ABCG8: variants seen among roughly 807,000 people sequenced by gnomAD.
The protein encoded by ABCG8 is ATP-binding cassette sub-family G member 8.
In ABCG8, 81 loss-of-function variants were observed where a neutral mutation model predicts 71.3. The ratio of observed to expected loss-of-function variants is 1.14; its 90% confidence interval spans 0.95 to 1.37. The LOEUF (loss-of-function observed/expected upper bound fraction) is 1.37, where lower values mean the gene tolerates loss of function less well. Ranked by LOEUF, ABCG8 falls within the 40% of genes most tolerant of loss-of-function variation. ABCG8 has a pLI of 0.00. For missense variants in ABCG8, 1,119 were observed against 866.2 expected (o/e 1.29, Z -3.66); for synonymous variants, 451 against 354.7 (o/e 1.27, Z -3.05).
intron 5 of ABCG8, 50 bp from the exon 6 acceptor site, chr2:43,852,549 G>T (rs755788837): frequency 5.0e-6 from 8 of 1,613,890 alleles, no homozygotes; most frequent in Admixed American, 1.7e-5. Context: ...GCTTGGCTTG[G>T]TCTGGCCAGA....
rs1309720575 is a variant in ABCG8, at chr2:43,852,582, C to T, written c.695-17C>T. On this transcript the variant is annotated splice_polypyrimidine_tract_variant and intron_variant, in intron 5 of 12. Coordinates refer to ENST00000272286, the MANE Select transcript of ABCG8 (RefSeq NM_022437.3). Reference sequence around the variant, plus strand: ...AGAGCCCCACCGACTCACCAGGCTCCTCTCTGTGTTGGAAAGGAATCCTTA... The same window carrying T: ...AGAGCCCCACCGACTCACCAGGCTCTTCTCTGTGTTGGAAAGGAATCCTTA... 1 of 1,609,126 alleles carries T rather than the reference C, an allele frequency of 6.2e-7. No individual in the cohort carries two copies. Among genetic ancestry groups the T allele is most frequent in the East Asian group, 2.2e-5 (1 of 44,876 alleles).
chr2:43,874,872 G>T (rs1159318722), intron 10 of ABCG8, among the ~76,000 whole-genome samples: 1 of 152,186 alleles, frequency 6.6e-6, no homozygotes, highest in African/African-American at 2.4e-5. Context: ...CTGGTCAGGG[G>T]GAGTAGGGAC....
At chr2:43,840,197 C>G (rs1312921726) in intron 1 of ABCG8, among the ~76,000 whole-genome samples, 1 of 152,176 alleles carries the variant, frequency 6.6e-6, no homozygotes, top group Non-Finnish European at 1.5e-5. Context: ...GGAAAACAAC[C>G]TGGACTGGCC....
intron 1 of ABCG8, among the ~76,000 whole-genome samples, chr2:43,841,528 G>T (rs1446965123): frequency 6.6e-6 from 1 of 152,152 alleles, no homozygotes. Context: ...TGGAACAGAG[G>T]TCGTCCCCAA....
At chr2:43,858,378 C>A (rs932385914) in intron 6 of ABCG8, among the ~76,000 whole-genome samples, 1 of 151,674 alleles carries the variant, frequency 6.6e-6, no homozygotes, top group Non-Finnish European at 1.5e-5. Flanking sequence ...GGATAGAATT[C>A]TCAACATCTG....
At chr2:43,857,332 C>G (rs1669147513) in intron 6 of ABCG8, among the ~76,000 whole-genome samples, 1 of 151,598 alleles carries the variant, frequency 6.6e-6, no homozygotes, top group Non-Finnish European at 1.5e-5. Context: ...TTCTTACTCT[C>G]TGGATAGAAC....
chr2:43,874,132 G>T (rs1669875677), intron 9 of ABCG8, 146 bp downstream of exon 9: 10 of 952,188 alleles, frequency 1.1e-5, no homozygotes, highest in Non-Finnish European at 1.6e-5. Flanking sequence ...GTTAATATTA[G>T]CATACAAATG....
At chr2:43,872,423 G>T in intron 8 of ABCG8, 117 bp downstream of exon 8, 1 of 1,215,862 alleles carries the variant, frequency 8.2e-7, no homozygotes, top group Non-Finnish European at 1.2e-6. Flanking sequence ...AGAGTCATTT[G>T]AAAAAAACAG....
rs1670100772 is a variant in ABCG8 at position 43,880,470 on chromosome 2, GGT to G, written c.*2560_*2561del. On this transcript the variant is annotated 3_prime_UTR_variant, in exon 13 of 13. Coordinates refer to ENST00000272286, the MANE Select transcript of ABCG8 (RefSeq NM_022437.3). The stretch of plus-strand genomic sequence containing the variant: ...ATTACAGGTGTGACCCACCGCACCT[GGT>G]GTCACAGGTTCATCTTGTATTTTCC... The G allele has an allele frequency of 6.6e-6, 1 of 152,168 alleles. No individual in the cohort carries two copies. The highest frequency in any genetic ancestry group is 1.5e-5 in the Non-Finnish European group (1 of 68,032). The allele number at this position is 152,168 out of a possible 1,614,324, so 9.4% of individuals were successfully genotyped here.
At chr2:43,842,007 G>T (rs1668594588) in intron 1 of ABCG8, among the ~76,000 whole-genome samples, 1 of 134,158 alleles carries the variant, frequency 7.5e-6, no homozygotes, top group Admixed American at 7.5e-5. Context: ...CTTAGAAATG[G>T]ATAAGATTTT....
chr2:43,839,137 C>T (rs1481817628), intron 1 of ABCG8, 21 bp downstream of exon 1: 8 of 1,550,722 alleles, frequency 5.2e-6, no homozygotes, highest in African/African-American at 1.4e-5. Flanking sequence ...AATGGGAAGT[C>T]GGCCCAGGCC....
intron 3 of ABCG8, chr2:43,848,302 A>C (rs780818978): frequency 2.0e-5 from 3 of 152,198 alleles, no homozygotes; most frequent in Non-Finnish European, 4.4e-5. Context: ...AGTGCCCTAC[A>C]GAAATAGCTG....
At chr2:43,867,717 CCGTATCA>C (rs1558841338) in intron 6 of ABCG8, among the ~76,000 whole-genome samples, 1 of 150,598 alleles carries the variant, frequency 6.6e-6, no homozygotes, top group Non-Finnish European at 1.5e-5. Flanking sequence ...ATAGAACTCT[CCGTATCA>C]ATCTGGATAG....
At chr2:43,852,210 C>T in intron 4 of ABCG8, 144 bp from the exon 5 acceptor site, 2 of 1,145,492 alleles carry the variant, frequency 1.7e-6, no homozygotes, top group Admixed American at 1.9e-5. Flanking sequence ...ACCAATGTTG[C>T]AGCTTGGAAC....
In ABCG8 at chr2:43,881,437, G is replaced by C. The variant is rs903445536; in HGVS notation, c.*3524G>C. 7 of 152,306 alleles carry C rather than the reference G, an allele frequency of 4.6e-5. No individual in the cohort carries two copies. Among genetic ancestry groups the C allele is most frequent in the African/African-American group, 7.2e-5 (3 of 41,392 alleles). The allele number at this position is 152,306 out of a possible 1,614,324, so 9.4% of individuals were successfully genotyped here. A position where few individuals can be genotyped will look rare whatever the true frequency, so the allele number is the denominator to read the frequency against. ...ACAAAGAACCAAGGCTCTCCCGGGT[G>C]CGGTGGCTCACGCCTGTAATCCCAG... is the stretch of plus-strand genomic sequence containing the variant. On this transcript the variant is annotated 3_prime_UTR_variant, in exon 13 of 13. Transcript: ENST00000272286.
At chr2:43,873,334 G>C (rs1050001031) in intron 8 of ABCG8, among the ~76,000 whole-genome samples, 3 of 151,924 alleles carry the variant, frequency 2.0e-5, no homozygotes, top group Non-Finnish European at 4.4e-5. Context: ...GATTACAGGT[G>C]TGTGCCACCA....
Position 43,871,989 on chromosome 2 carries a change from C to T in ABCG8, c.978C>T (p.Ser326=). 6.2e-7 allele frequency: 1 copy of T among 1,614,054 alleles called. No homozygotes were observed. Among genetic ancestry groups the T allele is most frequent in the Non-Finnish European group, 8.5e-7 (1 of 1,180,036 alleles). ...NPADFYVDLT[S]IDRRSREQEL... ...CCCTGCTTGCAGTGGACCTGACCAG[C>T]ATTGACAGGCGCAGCAGAGAGCAGG... is the stretch of plus-strand genomic sequence containing the variant. Residue 326 remains serine, a synonymous_variant, in exon 7 of 13, where the codon AGC becomes AGT. Coordinates refer to ENST00000272286, the MANE Select transcript of ABCG8 (RefSeq NM_022437.3).
At chr2:43,864,945 T>C (rs908930650) in intron 6 of ABCG8, among the ~76,000 whole-genome samples, 2 of 152,006 alleles carry the variant, frequency 1.3e-5, no homozygotes, top group South Asian at 2.1e-4. Flanking sequence ...TCTCACTATC[T>C]ATCTAGATAG....
intron 3 of ABCG8, among the ~76,000 whole-genome samples, 163 bp from the exon 4 acceptor site, chr2:43,851,421 C>T (rs1008696125): frequency 6.6e-6 from 1 of 152,248 alleles, no homozygotes; most frequent in Non-Finnish European, 1.5e-5. Flanking sequence ...ATGTCCTGGG[C>T]CCACCCCATC....
Sources: allele counts gnomAD v4.1 joint callset (sites outside exome capture counted in the v4.1 genomes callset), GRCh38; gene constraint gnomAD v4.1.1; transcripts MANE v1.5; gene names NCBI Gene and HGNC (gene_info 2026-07-23, HGNC 2026-07-21).